Variants in SCFD2 observed in about 807,000 individuals in gnomAD.
The protein encoded by SCFD2 is sec1 family domain-containing protein 2.
Under a neutral mutation model 58.9 loss-of-function variants are expected in SCFD2, and 54 were observed. That is an observed-to-expected ratio of 0.92 (90% CI 0.74 to 1.15). The LOEUF (loss-of-function observed/expected upper bound fraction) is 1.15. Among genes scored for constraint, SCFD2 ranks in the 50% most tolerant of loss-of-function variants. SCFD2 has a pLI of 0.00. For synonymous variants in SCFD2, 321 were observed against 335.9 expected, an observed-to-expected ratio of 0.96 and a Z score of 0.49; for missense variants, 805 against 836.6, an observed-to-expected ratio of 0.96 and a Z score of 0.47.
At chr4:53,170,602 G>C (rs1290287932) in intron 4 of SCFD2, among the ~76,000 whole-genome samples, 1 of 152,094 alleles carries the variant, frequency 6.6e-6, no homozygotes, top group African/African-American at 2.4e-5. Context: ...AAATTGCACT[G>C]AATCTGTAGA....
At chr4:52,881,043 T>C (rs1718597713) in intron 8 of SCFD2, among the ~76,000 whole-genome samples, 1 of 152,266 alleles carries the variant, frequency 6.6e-6, no homozygotes, top group Non-Finnish European at 1.5e-5. Context: ...ATCCCTTTTC[T>C]GTAGATAGGA....
In SCFD2 at chr4:52,873,823, A is replaced by G. The variant is rs1421093198; in HGVS notation, c.*146T>C. The G allele has an allele frequency of 1.8e-6, 1 of 552,978 alleles. No homozygotes were observed. The highest frequency in any genetic ancestry group is 3.3e-6 in the Non-Finnish European group (1 of 304,946). 34.3% of individuals were successfully genotyped at this position (552,978 alleles called of 1,614,324 possible). On this transcript the variant is annotated 3_prime_UTR_variant, in exon 9 of 9. Transcript: ENST00000401642. The stretch of plus-strand genomic sequence containing the variant: ...GCAATCCAAGCAAAGTACCTCACTG[A>G]GTAGGTATCAAGACCCTTCAGGCAG...
At chr4:53,109,699 A>G (rs977531055) in intron 5 of SCFD2, among the ~76,000 whole-genome samples, 1 of 152,146 alleles carries the variant, frequency 6.6e-6, no homozygotes, top group Non-Finnish European at 1.5e-5. Flanking sequence ...ACTACAAACC[A>G]CTGCTCAAGG....
At chr4:52,996,267 C>T (rs1721739133) in intron 5 of SCFD2, among the ~76,000 whole-genome samples, 1 of 152,170 alleles carries the variant, frequency 6.6e-6, no homozygotes, top group African/African-American at 2.4e-5. Context: ...CCCACTGCCT[C>T]CCAGAGCTTG....
At chr4:52,972,297 G>C (rs1441411186) in intron 5 of SCFD2, among the ~76,000 whole-genome samples, 1 of 152,038 alleles carries the variant, frequency 6.6e-6, no homozygotes, top group Non-Finnish European at 1.5e-5. Flanking sequence ...ACACACATAG[G>C]CTCAAAATAA....
chr4:53,178,218 C>A (rs1727408887), intron 4 of SCFD2, among the ~76,000 whole-genome samples: 1 of 152,198 alleles, frequency 6.6e-6, no homozygotes, highest in Non-Finnish European at 1.5e-5. Flanking sequence ...GGGTCCCTGA[C>A]CCCCGAGTAG....
intron 5 of SCFD2, among the ~76,000 whole-genome samples, chr4:53,107,564 A>C (rs1253443253): frequency 6.6e-6 from 1 of 152,132 alleles, no homozygotes; most frequent in Admixed American, 6.6e-5. Context: ...AAAAAAAAGC[A>C]GGGGTTGTGA....
At chr4:52,897,267 C>T (rs550959772) in intron 7 of SCFD2, among the ~76,000 whole-genome samples, 4 of 152,152 alleles carry the variant, frequency 2.6e-5, no homozygotes, top group Non-Finnish European at 5.9e-5. Context: ...AGTTTTTGCC[C>T]ATTCAGTATG....
At chr4:53,010,233 A>C (rs1336207178) in intron 5 of SCFD2, among the ~76,000 whole-genome samples, 1 of 152,196 alleles carries the variant, frequency 6.6e-6, no homozygotes, top group East Asian at 1.9e-4. Context: ...GCTTTACAAG[A>C]TCTTGTTTAT....
chr4:53,254,211 C>G (rs115770218), intron 4 of SCFD2, among the ~76,000 whole-genome samples: 2,687 of 152,276 alleles, frequency 0.018, 43 homozygotes, highest in Non-Finnish European at 0.03. Context: ...TCGTAATCCC[C>G]ATAATCCTCA....
intron 4 of SCFD2, among the ~76,000 whole-genome samples, chr4:53,150,609 G>A (rs528395414): frequency 3.9e-5 from 6 of 152,248 alleles, no homozygotes; most frequent in African/African-American, 1.4e-4. Context: ...TAAGGATGTG[G>A]GAATAAGATA....
intron 5 of SCFD2, among the ~76,000 whole-genome samples, chr4:53,097,700 A>C (rs558451978): frequency 6.6e-5 from 10 of 152,166 alleles, no homozygotes; most frequent in East Asian, 5.8e-4. Flanking sequence ...AATTGAATAC[A>C]CTTTATTTCT....
chr4:53,088,814 T>C (rs1724386247), intron 5 of SCFD2, among the ~76,000 whole-genome samples: 1 of 152,080 alleles, frequency 6.6e-6, no homozygotes, highest in African/African-American at 2.4e-5. Context: ...GAGAAAAACA[T>C]AAATTTTGGG....
At chr4:53,303,299 A>G (rs1732382823) in intron 3 of SCFD2, among the ~76,000 whole-genome samples, 1 of 152,246 alleles carries the variant, frequency 6.6e-6, no homozygotes. Flanking sequence ...AAGGATATGA[A>G]CAGACACTTC....
rs541683985 is a variant in SCFD2, at chr4:53,048,713, G to A, written c.1561+96620C>T. ...CTGTGTATCTCAAATGTTTTATTTC[G>A]ATGGCCCTCCAGGCCCTGGGTCATC... On this transcript the variant is annotated intron_variant, in intron 5 of 8. Transcript: ENST00000401642. Among the ~76,000 whole-genome samples the A allele has an allele frequency of 3.1e-3, 471 of 152,254 alleles. 1 individual carries two copies. The highest frequency in any genetic ancestry group is 0.01 in the African/African-American group (436 of 41,554).
chr4:52,952,318 G>A (rs2109531458), intron 5 of SCFD2, among the ~76,000 whole-genome samples: 1 of 119,612 alleles, frequency 8.4e-6, no homozygotes, highest in South Asian at 3.1e-4. Flanking sequence ...ATGGTCCCAC[G>A]TGAGGCCCAG....
chr4:53,059,789 A>T (rs1181957903), intron 5 of SCFD2, among the ~76,000 whole-genome samples: 1 of 152,130 alleles, frequency 6.6e-6, no homozygotes, highest in East Asian at 1.9e-4. Flanking sequence ...ATATAAGTGT[A>T]CTATATTTTT....
intron 4 of SCFD2, among the ~76,000 whole-genome samples, chr4:53,269,893 G>A (rs1263293904): frequency 3.9e-5 from 6 of 152,266 alleles, no homozygotes; most frequent in African/African-American, 7.2e-5. Flanking sequence ...GGGCGTGGTG[G>A]TGCACACCCG....
intron 5 of SCFD2, among the ~76,000 whole-genome samples, chr4:53,025,970 C>G (rs1336631142): frequency 6.6e-6 from 1 of 151,614 alleles, no homozygotes; most frequent in Non-Finnish European, 1.5e-5. Flanking sequence ...TATGTACTTT[C>G]ATGAACATGG....
Sources: allele counts gnomAD v4.1 joint callset (sites outside exome capture counted in the v4.1 genomes callset), GRCh38; gene constraint gnomAD v4.1.1; transcripts MANE v1.5; gene names NCBI Gene and HGNC (gene_info 2026-07-23, HGNC 2026-07-21).